The following ZNRF3 variants were observed in gnomAD, a reference collection of about 807,000 sequenced individuals.
ZNRF3 encodes E3 ubiquitin-protein ligase ZNRF3.
A neutral mutation model predicts 72.5 loss-of-function variants in ZNRF3; 23 were observed. The ratio of observed to expected loss-of-function variants is 0.32; its 90% CI spans 0.23 to 0.45. The LOEUF (loss-of-function observed/expected upper bound fraction) is 0.45, where lower values mean the gene tolerates loss of function less well. ZNRF3 is among the 20% of genes least tolerant of loss of function. The probability of loss-of-function intolerance (pLI) is 1.00; values close to 1 mark genes in which losing one functional copy is unlikely to be tolerated. For missense variants in ZNRF3, 1,169 were observed against 1,272.1 expected (o/e 0.92, Z 1.23); for synonymous variants, 610 against 545.3 (o/e 1.12, Z -1.65).
chr22:28,903,361 C>T (rs995926330), intron 1 of ZNRF3, among the ~76,000 whole-genome samples: 3 of 152,140 alleles, frequency 2.0e-5, no homozygotes, highest in South Asian at 2.1e-4. Context: ...TGGATCCAGC[C>T]GGACGCATGG....
intron 1 of ZNRF3, among the ~76,000 whole-genome samples, chr22:28,966,889 T>TG (rs1163200981): frequency 1.4e-5 from 2 of 147,416 alleles, no homozygotes; most frequent in African/African-American, 5.1e-5. Context: ...TTTTTTTTTT[T>TG]GAGATGGAGT....
At chr22:28,996,467 A>G (rs2036047184) in intron 2 of ZNRF3, among the ~76,000 whole-genome samples, 1 of 152,236 alleles carries the variant, frequency 6.6e-6, no homozygotes, top group South Asian at 2.1e-4. Flanking sequence ...GGGGTTCTTA[A>G]TCATTTTTGA....
In ZNRF3 at chr22:29,020,008, TC is replaced by T. The variant is rs957859547; in HGVS notation, c.427-22480del. Among the ~76,000 whole-genome samples the T allele has an allele frequency of 2.0e-5, 3 of 150,398 alleles. No homozygotes were observed. In the East Asian group the frequency reaches 5.8e-4, roughly 29 times the overall value. On this transcript the variant is annotated intron_variant, in intron 2 of 8. Transcript: ENST00000544604. ...TTTGTGGGAAATTGGTTGCAAGACC[TC>T]CCCCCCAATCCCCCCATGGATACCA...
At position 29,053,864 on chromosome 22, in the gene ZNRF3, C is replaced by A; in HGVS notation, c.*242C>A. The stretch of plus-strand genomic sequence containing the variant: ...TTGCCTCTTTTGATAACATGTTGTT[C>A]TGTTTTGTAAAGTGTGTGTGCTTGG... On this transcript the variant is annotated 3_prime_UTR_variant, in exon 9 of 9. Transcript: ENST00000544604. The A allele has an allele frequency of 2.3e-6, 1 of 432,192 alleles. No homozygotes were observed. The highest frequency in any genetic ancestry group is 4.1e-6 in the Non-Finnish European group (1 of 243,576). 26.8% of individuals were successfully genotyped at this position (432,192 alleles called of 1,614,324 possible).
chr22:29,043,230 C>G, intron 3 of ZNRF3, 69 bp from the exon 4 acceptor site: 1 of 1,545,122 alleles, frequency 6.5e-7, no homozygotes, highest in Non-Finnish European at 8.7e-7. Context: ...TTCCCTCCAG[C>G]CTTTCTTTCT....
At chr22:28,887,213 G>A (rs946825669) in intron 1 of ZNRF3, among the ~76,000 whole-genome samples, 1 of 144,692 alleles carries the variant, frequency 6.9e-6, no homozygotes, top group African/African-American at 2.7e-5. Flanking sequence ...CTTATTATAT[G>A]CCAACGAAGA....
At chr22:29,014,284 A>G (rs2036396191) in intron 2 of ZNRF3, among the ~76,000 whole-genome samples, 1 of 152,004 alleles carries the variant, frequency 6.6e-6, no homozygotes, top group South Asian at 2.1e-4. Context: ...CCCCTCACTT[A>G]GTGGCATATT....
chr22:29,010,323 A>T (rs534556879), intron 2 of ZNRF3, among the ~76,000 whole-genome samples: 5 of 151,968 alleles, frequency 3.3e-5, no homozygotes, highest in Non-Finnish European at 7.4e-5. Context: ...TGACCACTCC[A>T]GGTCTTTTGT....
intron 1 of ZNRF3, among the ~76,000 whole-genome samples, chr22:28,952,867 A>G (rs1296074067): frequency 6.6e-6 from 1 of 152,256 alleles, no homozygotes; most frequent in Non-Finnish European, 1.5e-5. Flanking sequence ...TATGAGAGCC[A>G]GGAGTATTAA....
At chr22:28,957,156 G>A (rs2123800237) in intron 1 of ZNRF3, among the ~76,000 whole-genome samples, 1 of 152,304 alleles carries the variant, frequency 6.6e-6, no homozygotes, top group African/African-American at 2.4e-5. Context: ...TTTCGAGCCA[G>A]GACAGTACTT....
chr22:28,939,911 G>T (rs2034911436), intron 1 of ZNRF3, among the ~76,000 whole-genome samples: 1 of 151,974 alleles, frequency 6.6e-6, no homozygotes, highest in African/African-American at 2.4e-5. Context: ...ACATAGAAGG[G>T]CCATTGAGCA....
intron 1 of ZNRF3, among the ~76,000 whole-genome samples, chr22:28,949,966 T>TA (rs2035128561): frequency 6.6e-6 from 1 of 151,994 alleles, no homozygotes; most frequent in Non-Finnish European, 1.5e-5. Flanking sequence ...GCAGAATTTT[T>TA]TTTTTAATGT....
chr22:28,890,833 G>T (rs1039329343), intron 1 of ZNRF3, among the ~76,000 whole-genome samples: 1 of 151,804 alleles, frequency 6.6e-6, no homozygotes, highest in African/African-American at 2.4e-5. Flanking sequence ...TCATGGCTCA[G>T]TGTACTCTTG....
chr22:28,976,386 G>T (rs1012911531), intron 1 of ZNRF3, among the ~76,000 whole-genome samples: 12 of 152,140 alleles, frequency 7.9e-5, no homozygotes, highest in Admixed American at 3.9e-4. Context: ...GCTGGGCATG[G>T]TTGTGCATGC....
chr22:28,994,918 C>A (rs116669139), intron 2 of ZNRF3, among the ~76,000 whole-genome samples: 3,875 of 152,238 alleles, frequency 0.025, 78 homozygotes, highest in African/African-American at 0.059. Context: ...AAAGCAAACC[C>A]GCATCCCATA....
rs908249604 is a variant in ZNRF3, at chr22:29,054,044, C to T, written c.*422C>T. 6.4e-6 allele frequency: 1 copy of T among 156,212 alleles called. No individual in the cohort carries two copies. The highest frequency in any genetic ancestry group is 6.3e-5 in the Admixed American group (1 of 15,910). The allele number at this position is 156,212 out of a possible 1,614,324, so 9.7% of individuals were successfully genotyped here. ...AATCACTGCTGCATTAAATGAACCA[C>T]ATCATGTGTAGATACTGTTGTCTCC... On this transcript the variant is annotated 3_prime_UTR_variant, in exon 9 of 9. Coordinates refer to ENST00000544604, the MANE Select transcript of ZNRF3 (RefSeq NM_001206998.2).
At position 28,917,446 on chromosome 22, in the gene ZNRF3, T is replaced by G. The variant is rs146662737; in HGVS notation, c.300+33380T>G. The G allele has an allele frequency of 2.7e-3, 2,624 of 985,366 alleles. 47 individuals carry two copies. The African/African-American group carries it at 0.04, about 15-fold the overall frequency. 61.0% of individuals were successfully genotyped at this position (985,366 alleles called of 1,614,324 possible). The stretch of plus-strand genomic sequence containing the variant: ...GGGAGTGTCCTGTGTGGTGTCCACT[T>G]AATCTTACTAGGAAGGATCCCCTCA... On this transcript the variant is annotated intron_variant, in intron 1 of 8. Coordinates refer to ENST00000544604, the MANE Select transcript of ZNRF3 (RefSeq NM_001206998.2).
chr22:28,960,257 T>G (rs569247664), intron 1 of ZNRF3, among the ~76,000 whole-genome samples: 1 of 152,352 alleles, frequency 6.6e-6, no homozygotes, highest in East Asian at 1.9e-4. Flanking sequence ...TATGTTTTTT[T>G]CTTTGAGATA....
Position 29,049,220 on chromosome 22 carries a change from G to T in ZNRF3, c.1039G>T (p.Val347Leu). ...AGAACAAAAGGGAAACCCAAGCGCG[G>T]TGTGTGTGGAGACCAGCAACCTCTC... ...IIEQKGNPSA[V>L]CVETSNLSRG... The change falls in exon 8 of 9, where the codon GTG (valine) becomes TTG (leucine). Residue 347 changes from valine (V) to leucine (L), a missense_variant. Val to Leu is a conservative substitution (Grantham distance 32). This residue lies in a region of ZNRF3 where 386 missense variants were observed against 540.7 expected (regional missense o/e 0.71). Transcript: ENST00000544604. This position sits in a 1 kb window ranked among gnomAD's most constrained non-coding sequence, Gnocchi z 5.2. 2 of 1,608,432 alleles carry T rather than the reference G, an allele frequency of 1.2e-6. No homozygotes were observed. Among genetic ancestry groups the T allele is most frequent in the Non-Finnish European group, 1.7e-6 (2 of 1,176,790 alleles).
Sources: gnomAD v4.1 joint callset for allele counts (sites outside exome capture counted in the v4.1 genomes callset) on GRCh38, gnomAD v4.1.1 for gene constraint, gnomAD v4.1.1 regional missense constraint, Gnocchi (gnomAD v3.1) non-coding constraint, MANE v1.5 for transcripts, NCBI Gene and HGNC (gene_info 2026-07-23, HGNC 2026-07-21) for gene names.